The following GLIS3 variants were observed in gnomAD, a reference collection of about 807,000 sequenced individuals.
The protein encoded by GLIS3 is GLIS family zinc finger 3.
Under a neutral mutation model 78.6 loss-of-function variants are expected in GLIS3, and 53 were observed. That is an observed-to-expected ratio of 0.67 (90% confidence interval 0.54 to 0.85). The LOEUF (loss-of-function observed/expected upper bound fraction) is 0.85, where lower values mean the gene tolerates loss of function less well. GLIS3 is among the 40% of genes least tolerant of loss of function. GLIS3 has a pLI of 0.00. For missense variants in GLIS3, 1,703 were observed against 1,231.1 expected (o/e 1.38, Z -5.74); for synonymous variants, 684 against 509.9 (o/e 1.34, Z -4.60).
At chr9:4,448,909 G>A in the GLIS3 span, among the ~76,000 whole-genome samples, 1 of 152,224 alleles carries the variant, frequency 6.6e-6, no homozygotes, top group Non-Finnish European at 1.5e-5. Flanking sequence ...GATGGGTGCA[G>A]AAGACAGTGA....
intron 1 of GLIS3, among the ~76,000 whole-genome samples, chr9:4,290,065 T>C (rs550664474): frequency 7.5e-4 from 114 of 152,246 alleles, no homozygotes; most frequent in African/African-American, 2.6e-3. Context: ...TGTTAACTCA[T>C]CCATTCCAGA....
chr9:3,829,949 A>G (rs1054296425), intron 9 of GLIS3, among the ~76,000 whole-genome samples: 3 of 152,188 alleles, frequency 2.0e-5, no homozygotes, highest in Non-Finnish European at 2.9e-5. Flanking sequence ...GCATCCATCT[A>G]TCTGTCTTTC....
intron 4 of GLIS3, among the ~76,000 whole-genome samples, chr9:4,113,567 T>C (rs1272406870): frequency 6.6e-6 from 1 of 152,220 alleles, no homozygotes; most frequent in African/African-American, 2.4e-5. Flanking sequence ...GCTTACATGA[T>C]ATTTTCCTAA....
chr9:3,991,826 G>A (rs550066146), intron 4 of GLIS3, among the ~76,000 whole-genome samples: 98 of 151,920 alleles, frequency 6.5e-4, no homozygotes, highest in Non-Finnish European at 1.0e-3. Context: ...GAGTAGCTGG[G>A]ACTACAGGCG....
At chr9:3,984,665 G>T (rs1588387333) in intron 4 of GLIS3, among the ~76,000 whole-genome samples, 1 of 152,306 alleles carries the variant, frequency 6.6e-6, no homozygotes, top group Middle Eastern at 3.4e-3. Flanking sequence ...GGGAAGGCAT[G>T]ATTGATTTTG....
At chr9:3,830,414 T>C (rs568551285) in intron 9 of GLIS3, among the ~76,000 whole-genome samples, 9 of 152,334 alleles carry the variant, frequency 5.9e-5, no homozygotes, top group Admixed American at 5.9e-4. Flanking sequence ...GGAGGGAGCA[T>C]TGTGGCTCTG....
intron 2 of GLIS3, among the ~76,000 whole-genome samples, chr9:4,222,797 CA>C (rs1389526510): frequency 6.6e-6 from 1 of 152,178 alleles, no homozygotes. Flanking sequence ...TTAGCAAGTG[CA>C]TATGTTTGAG....
At chr9:4,183,088 T>G (rs1318175563) in intron 2 of GLIS3, among the ~76,000 whole-genome samples, 1 of 152,198 alleles carries the variant, frequency 6.6e-6, no homozygotes, top group African/African-American at 2.4e-5. Context: ...GTGATGCTAT[T>G]TGGCCTGGAG....
intron 2 of GLIS3, among the ~76,000 whole-genome samples, chr9:4,143,477 G>A (rs1005158809): frequency 1.3e-5 from 2 of 151,720 alleles, no homozygotes; most frequent in Non-Finnish European, 2.9e-5. Context: ...TGAGGCAGGA[G>A]AATTGCTTGA....
intron 2 of GLIS3, among the ~76,000 whole-genome samples, chr9:4,342,579 C>G (rs1319333291): frequency 6.6e-6 from 1 of 152,154 alleles, no homozygotes; most frequent in African/African-American, 2.4e-5. Context: ...GCTATTTCAG[C>G]TGTTTTTTTG....
At chr9:4,235,356 G>A (rs540131881) in intron 2 of GLIS3, among the ~76,000 whole-genome samples, 1 of 151,424 alleles carries the variant, frequency 6.6e-6, no homozygotes, top group South Asian at 2.1e-4. Flanking sequence ...GTTGGGGAGG[G>A]TCTCCTGAAA....
At chr9:4,004,842 A>T (rs934498753) in intron 4 of GLIS3, among the ~76,000 whole-genome samples, 2 of 152,200 alleles carry the variant, frequency 1.3e-5, no homozygotes, top group African/African-American at 4.8e-5. Context: ...TAAACTTTAG[A>T]ATATGGACTT....
Position 3,827,516 on chromosome 9 carries a change from G to A in GLIS3, c.*756C>T, listed in dbSNP as rs1817786751. The stretch of plus-strand genomic sequence containing the variant: ...TAACTGCAAAACTAACATGCTAGAG[G>A]TGGGGCCAGGCAGAACCACAGCTGT... On this transcript the variant is annotated 3_prime_UTR_variant, in exon 11 of 11. Transcript: ENST00000381971. The A allele has an allele frequency of 6.6e-6, 1 of 152,414 alleles. No individual in the cohort carries two copies. The highest frequency in any genetic ancestry group is 2.4e-5 in the African/African-American group (1 of 41,432). The allele number at this position is 152,414 out of a possible 1,614,324, so 9.4% of individuals were successfully genotyped here.
At chr9:4,305,605 T>C (rs1817207452) in intron 4 of GLIS3, 1 of 152,222 alleles carries the variant, frequency 6.6e-6, no homozygotes, top group African/African-American at 2.4e-5. Context: ...GACATTCCCC[T>C]GGCCATAGGG....
chr9:4,349,687 A>C (rs1157854423), upstream of GLIS3, among the ~76,000 whole-genome samples: 1 of 152,176 alleles, frequency 6.6e-6, no homozygotes, highest in Non-Finnish European at 1.5e-5. Flanking sequence ...ACAGAGCATC[A>C]CTCTAAGCAC....
intron 4 of GLIS3, among the ~76,000 whole-genome samples, chr9:4,053,387 C>T (rs947746498): frequency 1.3e-5 from 2 of 152,126 alleles, no homozygotes; most frequent in African/African-American, 4.8e-5. Context: ...AGTTGCAAAG[C>T]TCCTCCTCCC....
At chr9:4,036,143 T>C (rs1170480209) in intron 4 of GLIS3, 9 of 152,250 alleles carry the variant, frequency 5.9e-5, no homozygotes, top group Non-Finnish European at 1.2e-4. Flanking sequence ...AAGTGAGGAT[T>C]TTCCTTTACC....
At chr9:3,958,021 G>T (rs1817265115) in intron 4 of GLIS3, among the ~76,000 whole-genome samples, 1 of 152,174 alleles carries the variant, frequency 6.6e-6, no homozygotes, top group Non-Finnish European at 1.5e-5. Context: ...TTTATGAAAA[G>T]CTAACTGGTA....
At chr9:4,064,555 C>A (rs1454223967) in intron 4 of GLIS3, among the ~76,000 whole-genome samples, 2 of 152,052 alleles carry the variant, frequency 1.3e-5, no homozygotes, top group Non-Finnish European at 2.9e-5. Context: ...ATCCCAAGGC[C>A]GAGGCAGGCA....
Sources: allele counts gnomAD v4.1 joint callset (sites outside exome capture counted in the v4.1 genomes callset), GRCh38; gene constraint gnomAD v4.1.1; transcripts MANE v1.5; gene names NCBI Gene and HGNC (gene_info 2026-07-23, HGNC 2026-07-21).